SNTB1: variants seen among roughly 807,000 people sequenced by gnomAD.
The protein encoded by SNTB1 is syntrophin beta 1, also known as beta-1-syntrophin.
Under a neutral mutation model 48.9 loss-of-function variants are expected in SNTB1, and 36 were observed. That is an observed-to-expected ratio of 0.74 (90% CI 0.56 to 0.97). The LOEUF (loss-of-function observed/expected upper bound fraction) is 0.97. SNTB1 is among the 50% of genes least tolerant of loss of function. The probability of loss-of-function intolerance (pLI) is 0.00; values close to 1 mark genes in which losing one functional copy is unlikely to be tolerated. For synonymous variants in SNTB1, 299 were observed against 294.6 expected (o/e 1.01, Z -0.15); for missense variants, 786 against 703.4 (o/e 1.12, Z -1.33).
rs985430688 is a variant in SNTB1, at chr8:120,648,679, C to T, written c.789-16028G>A. ...CTCTTCTCGAGGAGTATCTTTGTGG[C>T]GTTGTCTGTATTTCCTGAATCTGAA... On this transcript the variant is annotated intron_variant, in intron 2 of 6. Transcript: ENST00000517992. Among the ~76,000 whole-genome samples the T allele has an allele frequency of 1.5e-4, 23 of 151,464 alleles. 1 individual carries two copies. The highest frequency in any genetic ancestry group is 4.8e-4 in the African/African-American group (20 of 41,378).
chr8:120,720,208 A>G (rs1818635760), intron 1 of SNTB1, among the ~76,000 whole-genome samples: 1 of 152,220 alleles, frequency 6.6e-6, no homozygotes, highest in South Asian at 2.1e-4. Flanking sequence ...TGAGCATATT[A>G]GACCTTCCCT....
At chr8:120,637,282 C>T (rs1817097936) in intron 2 of SNTB1, 2 of 338,880 alleles carry the variant, frequency 5.9e-6, no homozygotes, top group South Asian at 7.3e-5. Flanking sequence ...GCCCAGAGAA[C>T]ATCAGCTTGG....
intron 2 of SNTB1, among the ~76,000 whole-genome samples, chr8:120,654,072 G>A (rs1323606811): frequency 0.021 from 827 of 39,094 alleles, no homozygotes; most frequent in Non-Finnish European, 0.037. Context: ...AAAAAAAAAA[G>A]TTGTCTTCTT....
intron 3 of SNTB1, among the ~76,000 whole-genome samples, chr8:120,615,258 C>T (rs1408345593): frequency 1.3e-5 from 2 of 152,230 alleles, no homozygotes; most frequent in African/African-American, 2.4e-5. Context: ...TCGCCAGAGC[C>T]GGGGTTAATA....
intron 2 of SNTB1, among the ~76,000 whole-genome samples, chr8:120,692,613 CT>C (rs1350326779): frequency 6.6e-6 from 1 of 152,060 alleles, no homozygotes; most frequent in Non-Finnish European, 1.5e-5. Flanking sequence ...GGTGATATAT[CT>C]AGCCTGTGGC....
At chr8:120,715,698 G>C (rs1818543726) in intron 1 of SNTB1, among the ~76,000 whole-genome samples, 1 of 152,214 alleles carries the variant, frequency 6.6e-6, no homozygotes, top group Non-Finnish European at 1.5e-5. Flanking sequence ...CCAATTGCCA[G>C]AGGTTAAAGT....
intron 1 of SNTB1, among the ~76,000 whole-genome samples, chr8:120,756,893 GC>G (rs915580827): frequency 2.6e-5 from 4 of 152,146 alleles, no homozygotes; most frequent in African/African-American, 4.8e-5. Context: ...TCCAATTTTT[GC>G]CCATGTGGTC....
At chr8:120,720,056 G>A (rs78959152) in intron 1 of SNTB1, among the ~76,000 whole-genome samples, 4,132 of 152,314 alleles carry the variant, frequency 0.027, 172 homozygotes, top group African/African-American at 0.092. Context: ...AAACCTTCCA[G>A]TGATCGGTGA....
At chr8:120,692,774 C>T (rs543095887) in intron 2 of SNTB1, among the ~76,000 whole-genome samples, 1 of 152,294 alleles carries the variant, frequency 6.6e-6, no homozygotes, top group African/African-American at 2.4e-5. Flanking sequence ...CAGTTGACAG[C>T]ACTGAGGCCT....
intron 1 of SNTB1, among the ~76,000 whole-genome samples, chr8:120,809,721 A>G (rs1296697018): frequency 6.6e-6 from 1 of 152,064 alleles, no homozygotes; most frequent in African/African-American, 2.4e-5. Flanking sequence ...CCCTTGTCAC[A>G]CAAACCAACA....
At chr8:120,587,369 T>C (rs1255691650) in intron 3 of SNTB1, among the ~76,000 whole-genome samples, 1 of 152,166 alleles carries the variant, frequency 6.6e-6, no homozygotes, top group Non-Finnish European at 1.5e-5. Context: ...TTCTTACAAA[T>C]TATAAAGATC....
intron 1 of SNTB1, among the ~76,000 whole-genome samples, chr8:120,766,877 C>A (rs1232104860): frequency 6.6e-6 from 1 of 152,158 alleles, no homozygotes; most frequent in African/African-American, 2.4e-5. Context: ...TGTTTCTCTT[C>A]CACTATTTCT....
chr8:120,566,712 C>A (rs927585474), intron 4 of SNTB1, among the ~76,000 whole-genome samples: 3 of 152,114 alleles, frequency 2.0e-5, no homozygotes, highest in Admixed American at 2.0e-4. Context: ...CGGGTCCCAT[C>A]CCCAGAGTTT....
chr8:120,700,093 T>C (rs1818280058), intron 1 of SNTB1, among the ~76,000 whole-genome samples: 1 of 152,114 alleles, frequency 6.6e-6, no homozygotes, highest in South Asian at 2.1e-4. Context: ...CCGGGTAGAC[T>C]GGCTCTACAG....
chr8:120,707,480 C>T (rs1818396655), intron 1 of SNTB1, among the ~76,000 whole-genome samples: 1 of 152,102 alleles, frequency 6.6e-6, no homozygotes, highest in Non-Finnish European at 1.5e-5. Context: ...CTATCAGAGT[C>T]AGAAGAATAA....
chr8:120,791,875 C>A (rs538159772), intron 1 of SNTB1, among the ~76,000 whole-genome samples: 16 of 151,946 alleles, frequency 1.1e-4, no homozygotes, highest in South Asian at 2.1e-4. Context: ...AATTAGTACA[C>A]CTCTATGGAA....
chr8:120,697,669 A>G (rs1362315823), intron 1 of SNTB1, among the ~76,000 whole-genome samples: 1 of 152,226 alleles, frequency 6.6e-6, no homozygotes, highest in Non-Finnish European at 1.5e-5. Flanking sequence ...CAGGCATAAA[A>G]ATCAAAGGAA....
At chr8:120,578,493 A>C (rs1815986274) in intron 3 of SNTB1, among the ~76,000 whole-genome samples, 1 of 152,196 alleles carries the variant, frequency 6.6e-6, no homozygotes, top group Admixed American at 6.5e-5. Context: ...CATTTTGTTA[A>C]CACATGACTC....
chr8:120,698,927 G>A (rs938333559), intron 1 of SNTB1, among the ~76,000 whole-genome samples: 1 of 152,176 alleles, frequency 6.6e-6, no homozygotes, highest in Admixed American at 6.5e-5. Flanking sequence ...GGGAAGGGAA[G>A]GTGTTGCCTA....
Sources: gnomAD v4.1 joint callset for allele counts (sites outside exome capture counted in the v4.1 genomes callset) on GRCh38, gnomAD v4.1.1 for gene constraint, MANE v1.5 for transcripts, NCBI Gene and HGNC (gene_info 2026-07-23, HGNC 2026-07-21) for gene names.